PCDHA7: variants seen among roughly 807,000 people sequenced by gnomAD.
PCDHA7 encodes the protein protocadherin alpha 7.
In PCDHA7, 37 loss-of-function variants were observed where a neutral mutation model predicts 57.2. The ratio of observed to expected loss-of-function variants is 0.65; its 90% CI spans 0.50 to 0.85. The LOEUF (loss-of-function observed/expected upper bound fraction) is 0.85. Ranked by LOEUF, PCDHA7 falls within the 40% of genes least tolerant of loss-of-function variation. The pLI, the probability that PCDHA7 is intolerant of heterozygous loss-of-function variation, is 0.00. For synonymous variants in PCDHA7, 553 were observed against 558.8 expected, an observed-to-expected ratio of 0.99 and a Z score of 0.15; for missense variants, 1,188 against 1,241.8, an observed-to-expected ratio of 0.96 and a Z score of 0.65.
chr5:140,953,601 C>T (rs1448878513), intron 1 of PCDHA7, among the ~76,000 whole-genome samples: 3 of 152,014 alleles, frequency 2.0e-5, no homozygotes, highest in Non-Finnish European at 4.4e-5. Flanking sequence ...TTGTTTATTC[C>T]CCAGAGTCCT....
chr5:140,858,727 G>A (rs2045572985), intron 1 of PCDHA7: 2 of 482,238 alleles, frequency 4.1e-6, no homozygotes, highest in Non-Finnish European at 3.7e-6. Context: ...CAGTTCTGAC[G>A]ATTTACTTTC....
rs2098417240 is a variant in PCDHA7 at position 141,010,418 on chromosome 5, G to A, written c.*481G>A. Reference sequence around the variant, plus strand: ...AGCCAGCTTAGACTAATTGGTACAAGGAAGGCAAGAAAACAAAGACAAATA... The same window carrying A: ...AGCCAGCTTAGACTAATTGGTACAAAGAAGGCAAGAAAACAAAGACAAATA... On this transcript the variant is annotated 3_prime_UTR_variant, in exon 4 of 4. Coordinates refer to ENST00000525929, the MANE Select transcript of PCDHA7 (RefSeq NM_018910.3). The A allele has an allele frequency of 3.4e-6, 4 of 1,168,142 alleles. No homozygotes were observed. The East Asian group carries it at 1.0e-4, about 30-fold the overall frequency. The allele number at this position is 1,168,142 out of a possible 1,614,324, so 72.4% of individuals were successfully genotyped here. A position where few individuals can be genotyped will look rare whatever the true frequency, so the allele number is the denominator to read the frequency against.
chr5:140,996,111 G>C (rs981356405), intron 3 of PCDHA7, among the ~76,000 whole-genome samples: 1 of 152,220 alleles, frequency 6.6e-6, no homozygotes, highest in East Asian at 1.9e-4. Context: ...GTATGGAAGT[G>C]TGCAGGGTGG....
chr5:140,977,482 A>G lies in PCDHA7; in HGVS notation c.2356-1467A>G, dbSNP rs3776112. ...TTTGGTCTGTAGATAATTTTATGCTATGTTATATGGAATATCCACAGCATT... is the reference window on the plus strand; with the variant it reads ...TTTGGTCTGTAGATAATTTTATGCTGTGTTATATGGAATATCCACAGCATT... On this transcript the variant is annotated intron_variant, in intron 1 of 3. Coordinates refer to ENST00000525929, the MANE Select transcript of PCDHA7 (RefSeq NM_018910.3). Among the ~76,000 whole-genome samples the G allele has an allele frequency of 3.0e-4, 46 of 152,350 alleles. No homozygotes were observed. The East Asian group carries it at 5.4e-3, about 18-fold the overall frequency.
rs180990865 is a variant in PCDHA7 at position 140,858,241 on chromosome 5, G to C, written c.2355+21503G>C. 1.8e-3 allele frequency: 2,879 copies of C among 1,596,686 alleles called. 210 individuals carry two copies. In the African/African-American group the frequency reaches 0.035, roughly 19 times the overall value. On this transcript the variant is annotated intron_variant, in intron 1 of 3. Coordinates refer to ENST00000525929, the MANE Select transcript of PCDHA7 (RefSeq NM_018910.3). ...CGGCGCCCACCGAGGGCGCATGTGGGCCGGTGAAGCCCACGCTGGTGTGCT... is the reference window on the plus strand; with the variant it reads ...CGGCGCCCACCGAGGGCGCATGTGGCCCGGTGAAGCCCACGCTGGTGTGCT...
At chr5:140,849,211 C>G (rs2040817305) in intron 1 of PCDHA7, 1 of 1,031,974 alleles carries the variant, frequency 9.7e-7, no homozygotes, top group East Asian at 2.6e-5. Flanking sequence ...AATGACAATG[C>G]CCCAGTGTTC....
chr5:140,898,980 G>A (rs2067076537), intron 1 of PCDHA7, among the ~76,000 whole-genome samples: 1 of 151,930 alleles, frequency 6.6e-6, no homozygotes, highest in South Asian at 2.1e-4. Flanking sequence ...CTCATGATTT[G>A]GCTCTCTGTT....
intron 2 of PCDHA7, chr5:140,982,217 C>T (rs1257918481): frequency 3.9e-6 from 2 of 507,664 alleles, no homozygotes; most frequent in Non-Finnish European, 6.2e-6. Context: ...CGCCACATGG[C>T]GTTAATAAAA....
At chr5:140,907,872 G>A (rs1473403839) in intron 1 of PCDHA7, among the ~76,000 whole-genome samples, 1 of 152,208 alleles carries the variant, frequency 6.6e-6, no homozygotes, top group Non-Finnish European at 1.5e-5. Flanking sequence ...CCGTTGGTGA[G>A]CACTCACATG....
chr5:140,921,888 A>G (rs1430604991), intron 1 of PCDHA7, among the ~76,000 whole-genome samples: 8 of 152,090 alleles, frequency 5.3e-5, no homozygotes, highest in African/African-American at 1.9e-4. Context: ...AGATTTTAGA[A>G]AGGAGGATAA....
At chr5:140,967,479 C>T (rs782390272) in intron 1 of PCDHA7, 7 of 1,613,262 alleles carry the variant, frequency 4.3e-6, no homozygotes, top group East Asian at 2.2e-5. Context: ...CCAGCCCGCT[C>T]GGGTACGGCA....
In PCDHA7 at chr5:140,835,075, C is replaced by T. The variant is rs2150230392; in HGVS notation, c.692C>T (p.Thr231Met). 3.3e-6 allele frequency: 4 copies of T among 1,211,226 alleles called. No homozygotes were observed. The highest frequency in any genetic ancestry group is 4.5e-6 in the Non-Finnish European group (4 of 883,898). The allele number at this position is 1,211,226 out of a possible 1,614,324, so 75.0% of individuals were successfully genotyped here. A position where few individuals can be genotyped will look rare whatever the true frequency, so the allele number is the denominator to read the frequency against. The change falls in exon 1 of 4, where the codon ACG becomes ATG. Residue 231 changes from threonine (T) to methionine (M), a missense_variant. Thr to Met is a moderately conservative substitution (Grantham distance 81, BLOSUM62 -1). Around this residue, in one of 3 missense-constraint regions of PCDHA7, gnomAD observed 102 missense variants for 267.4 expected, o/e 0.38. Coordinates refer to ENST00000525929, the MANE Select transcript of PCDHA7 (RefSeq NM_018910.3). ...ELTGTVQLLI[T>M]VLDNNDNAPV... is the part of the protein sequence containing the mutation. ...ACTGGCACCGTTCAATTACTCATCA[C>T]GGTACTGGACAACAATGACAATGCC...
intron 1 of PCDHA7, among the ~76,000 whole-genome samples, chr5:140,965,278 C>T (rs1554227554): frequency 6.6e-6 from 1 of 152,176 alleles, no homozygotes; most frequent in African/African-American, 2.4e-5. Flanking sequence ...AATGACACAG[C>T]ATGGAAAGAT....
intron 1 of PCDHA7, among the ~76,000 whole-genome samples, chr5:140,971,604 A>G (rs2096487974): frequency 6.6e-6 from 1 of 152,160 alleles, no homozygotes; most frequent in Admixed American, 6.5e-5. Flanking sequence ...TACAGATGGC[A>G]GGAGAGTCCT....
chr5:140,875,865 G>C (rs782211791), intron 1 of PCDHA7: 6 of 1,614,160 alleles, frequency 3.7e-6, no homozygotes, highest in Non-Finnish European at 5.1e-6. Context: ...ACAACCCGCC[G>C]GTGTTCAGAG....
At chr5:140,870,252 GGTGACCT>G in intron 1 of PCDHA7, 5 of 1,614,198 alleles carry the variant, frequency 3.1e-6, no homozygotes, top group Non-Finnish European at 4.2e-6. Context: ...TCAACGGACA[GGTGACCT>G]GCTCGCTGAC....
At chr5:140,862,926 G>C in intron 1 of PCDHA7, 1 of 546,060 alleles carries the variant, frequency 1.8e-6, no homozygotes, top group South Asian at 1.4e-5. Context: ...GGGTGGGCTG[G>C]CGGCGCTGTG....
In PCDHA7 at chr5:140,870,746, T is replaced by C. The variant is rs781831995; in HGVS notation, c.2355+34008T>C. 5.0e-6 allele frequency: 8 copies of C among 1,613,488 alleles called. No individual in the cohort carries two copies. The East Asian group carries it at 1.8e-4, about 36-fold the overall frequency. ...GGCGTGCCGCCTCTGAGCAGCAACG[T>C]GACGCTGCAGGTGTTCGTGCTGGAC... On this transcript the variant is annotated intron_variant, in intron 1 of 3. Transcript: ENST00000525929.
chr5:140,851,715 G>C, intron 1 of PCDHA7: 1 of 964,012 alleles, frequency 1.0e-6, no homozygotes, highest in Non-Finnish European at 1.3e-6. Context: ...GTGAAGATTC[G>C]AAACTTCGAG....
Sources: allele counts gnomAD v4.1 joint callset (sites outside exome capture counted in the v4.1 genomes callset), GRCh38; gene constraint gnomAD v4.1.1; regional missense constraint gnomAD v4.1.1; transcripts MANE v1.5; gene names NCBI Gene and HGNC (gene_info 2026-07-23, HGNC 2026-07-21).